PARD3: variants seen among roughly 807,000 people sequenced by gnomAD.
PARD3 encodes the protein partitioning defective 3 homolog.
PARD3 carries 75 observed loss-of-function variants against 155.4 expected under a neutral mutation model. That is an observed-to-expected ratio of 0.48 (90% confidence interval 0.40 to 0.58). The LOEUF (loss-of-function observed/expected upper bound fraction) is 0.58, where lower values mean the gene tolerates loss of function less well. PARD3 is among the 20% of genes least tolerant of loss of function. The pLI, the probability that PARD3 is intolerant of heterozygous loss-of-function variation, is 0.00. For synonymous variants in PARD3, 576 were observed against 610.5 expected (o/e 0.94, Z 0.83); for missense variants, 1,642 against 1,721.7 (o/e 0.95, Z 0.82).
chr10:34,419,231 A>C (rs559955464), intron 5 of PARD3, among the ~76,000 whole-genome samples: 171 of 152,322 alleles, frequency 1.1e-3, no homozygotes, highest in Non-Finnish European at 1.4e-3. Context: ...TAATGCAAAG[A>C]AACAGGCCAG....
intron 2 of PARD3, among the ~76,000 whole-genome samples, chr10:34,615,909 T>G (rs535353886): frequency 3.1e-4 from 47 of 152,274 alleles, no homozygotes; most frequent in Admixed American, 1.8e-3. Context: ...TCACCCCAGT[T>G]AGAATAGCTG....
At chr10:34,747,275 G>C (rs1420029620) in intron 1 of PARD3, among the ~76,000 whole-genome samples, 1 of 152,082 alleles carries the variant, frequency 6.6e-6, no homozygotes, top group East Asian at 1.9e-4. Context: ...GAGCTGGGGC[G>C]GCAGGGGCTG....
intron 1 of PARD3, among the ~76,000 whole-genome samples, chr10:34,785,453 A>G (rs1840836274): frequency 6.6e-6 from 1 of 151,754 alleles, no homozygotes; most frequent in East Asian, 1.9e-4. Flanking sequence ...TTTTTTTTAG[A>G]AAGAAAAAGA....
At chr10:34,601,480 T>G (rs1373600963) in intron 2 of PARD3, among the ~76,000 whole-genome samples, 1 of 152,148 alleles carries the variant, frequency 6.6e-6, no homozygotes, top group Non-Finnish European at 1.5e-5. Context: ...AAATTCAAAT[T>G]AGCATATTAG....
intron 1 of PARD3, among the ~76,000 whole-genome samples, chr10:34,745,548 A>G (rs991961074): frequency 4.6e-5 from 7 of 152,162 alleles, no homozygotes; most frequent in African/African-American, 2.4e-5. Flanking sequence ...AGGCTAGGAT[A>G]AGAATCTAAG....
rs552454743 is a variant in PARD3 at position 34,269,600 on chromosome 10, C to G, written c.3419+57G>C. On this transcript the variant is annotated intron_variant, in intron 22 of 24. Coordinates refer to ENST00000374788, the MANE Select transcript of PARD3 (RefSeq NM_001184785.2). Reference sequence around the variant, plus strand: ...ATTGATGAATGGTCTACTCCCCTGTCAGAAGCTGTATAAAAGCTGATTTGG... The same window carrying G: ...ATTGATGAATGGTCTACTCCCCTGTGAGAAGCTGTATAAAAGCTGATTTGG... 84 of 1,590,520 alleles carry G rather than the reference C, an allele frequency of 5.3e-5. 2 individuals are homozygous for G. The South Asian group carries it at 9.1e-4, about 17-fold the overall frequency.
intron 2 of PARD3, among the ~76,000 whole-genome samples, chr10:34,665,916 G>GAACA (rs1366868379): frequency 2.6e-5 from 3 of 117,404 alleles, no homozygotes; most frequent in African/African-American, 6.7e-5. Flanking sequence ...AAAAAGAAAA[G>GAACA]AAAAGAAAAG....
At chr10:34,597,963 C>T (rs933332118) in intron 2 of PARD3, among the ~76,000 whole-genome samples, 1 of 152,226 alleles carries the variant, frequency 6.6e-6, no homozygotes, top group South Asian at 2.1e-4. Context: ...GGCTTTCTCA[C>T]AGGCTCTAAA....
intron 2 of PARD3, among the ~76,000 whole-genome samples, chr10:34,667,580 T>C (rs2093518044): frequency 6.6e-6 from 1 of 152,236 alleles, no homozygotes. Context: ...GAAAAATGCC[T>C]AATGATTTAA....
chr10:34,244,169 T>G (rs1386508629), intron 22 of PARD3, among the ~76,000 whole-genome samples: 2 of 152,214 alleles, frequency 1.3e-5, no homozygotes, highest in Non-Finnish European at 2.9e-5. Context: ...ACTTCAATAT[T>G]GCAGTACAGT....
intron 21 of PARD3, among the ~76,000 whole-genome samples, chr10:34,271,097 C>T (rs1422348432): frequency 6.6e-6 from 1 of 152,106 alleles, no homozygotes; most frequent in Non-Finnish European, 1.5e-5. Context: ...TAAAGCAACA[C>T]TTTAGACTGA....
chr10:34,662,641 G>A (rs964444557), intron 2 of PARD3, among the ~76,000 whole-genome samples: 1 of 152,198 alleles, frequency 6.6e-6, no homozygotes, highest in African/African-American at 2.4e-5. Flanking sequence ...GGGAGGCAGA[G>A]GTGAGAGGAT....
At chr10:34,593,655 A>C (rs1424030956) in intron 2 of PARD3, among the ~76,000 whole-genome samples, 2 of 152,218 alleles carry the variant, frequency 1.3e-5, no homozygotes, top group Non-Finnish European at 2.9e-5. Flanking sequence ...ATGGACTTGA[A>C]TAGAACCTTG....
At chr10:34,371,716 T>C (rs1314951555) in intron 12 of PARD3, among the ~76,000 whole-genome samples, 5 of 151,998 alleles carry the variant, frequency 3.3e-5, no homozygotes, top group Non-Finnish European at 5.9e-5. Context: ...TTTGCTAAAT[T>C]TTCCATTTAC....
At chr10:34,256,148 T>C (rs952469063) in intron 22 of PARD3, among the ~76,000 whole-genome samples, 1 of 152,268 alleles carries the variant, frequency 6.6e-6, no homozygotes, top group Admixed American at 6.5e-5. Flanking sequence ...TTTCAACATA[T>C]TCGCTAATTA....
intron 12 of PARD3, among the ~76,000 whole-genome samples, chr10:34,365,760 A>C (rs1375784148): frequency 6.6e-6 from 1 of 151,986 alleles, no homozygotes; most frequent in Non-Finnish European, 1.5e-5. Context: ...GCTAATTTTT[A>C]TGTTTTTAGT....
intron 3 of PARD3, among the ~76,000 whole-genome samples, chr10:34,493,294 A>C (rs2080041069): frequency 6.6e-6 from 1 of 152,246 alleles, no homozygotes; most frequent in Middle Eastern, 3.2e-3. Context: ...ACCTTATTCC[A>C]ATGTCTTCAA....
intron 5 of PARD3, among the ~76,000 whole-genome samples, chr10:34,407,702 G>A (rs574482815): frequency 3.9e-5 from 6 of 152,120 alleles, no homozygotes; most frequent in South Asian, 2.1e-4. Context: ...GCATGGTGGC[G>A]TGCGCCTGTA....
chr10:34,233,434 C>A (rs537211993), intron 22 of PARD3, among the ~76,000 whole-genome samples: 2 of 152,150 alleles, frequency 1.3e-5, no homozygotes, highest in East Asian at 3.9e-4. Flanking sequence ...TCGATGATAT[C>A]GTCCATTTCC....
Sources: allele counts gnomAD v4.1 joint callset (sites outside exome capture counted in the v4.1 genomes callset), GRCh38; gene constraint gnomAD v4.1.1; transcripts MANE v1.5; gene names NCBI Gene and HGNC (gene_info 2026-07-23, HGNC 2026-07-21).